Variants in OR51B5 observed in about 807,000 individuals in gnomAD.
The protein encoded by OR51B5 is olfactory receptor 51B5.
For missense variants in OR51B5, 456 were observed against 374.6 expected (o/e 1.22, Z -1.79); for synonymous variants, 186 against 144.8 (o/e 1.28, Z -2.04).
chr11:5,476,615 G>C (rs984535350), intron 1 of OR51B5, among the ~76,000 whole-genome samples: 4 of 152,170 alleles, frequency 2.6e-5, no homozygotes, highest in Non-Finnish European at 4.4e-5. Context: ...GCCGATAAGA[G>C]GAAGGACAAG....
intron 1 of OR51B5, among the ~76,000 whole-genome samples, chr11:5,363,235 C>CCA (rs1719916481): frequency 1.2e-5 from 1 of 85,294 alleles, no homozygotes; most frequent in South Asian, 4.0e-4. Context: ...GAACCCAACC[C>CCA]CTCACACACA....
intron 1 of OR51B5, among the ~76,000 whole-genome samples, chr11:5,385,754 CATAT>C: frequency 6.7e-6 from 1 of 148,644 alleles, no homozygotes; most frequent in East Asian, 2.0e-4. Context: ...TATTTGTTTA[CATAT>C]ATAAATATAC....
intron 1 of OR51B5, among the ~76,000 whole-genome samples, chr11:5,374,061 G>C (rs1472623655): frequency 6.6e-6 from 1 of 152,176 alleles, no homozygotes; most frequent in African/African-American, 2.4e-5. Context: ...CCCCCGAGCA[G>C]CCTAACTGGG....
intron 1 of OR51B5, chr11:5,403,265 AC>A: frequency 4.2e-6 from 2 of 471,418 alleles, no homozygotes; most frequent in East Asian, 6.9e-5. Context: ...ATGGGCTCAT[AC>A]TCCACACTGT....
chr11:5,441,379 T>C, intron 1 of OR51B5: 1 of 1,613,896 alleles, frequency 6.2e-7, no homozygotes, highest in Non-Finnish European at 8.5e-7. Context: ...GTGAGAATGC[T>C]GAGGTTACCT....
chr11:5,496,800 G>A (rs183920665), intron 1 of OR51B5, among the ~76,000 whole-genome samples: 1 of 152,346 alleles, frequency 6.6e-6, no homozygotes, highest in East Asian at 1.9e-4. Flanking sequence ...GTAGGCTGCA[G>A]TAGACGTACG....
At chr11:5,444,667 G>A (rs1403639742) in intron 1 of OR51B5, among the ~76,000 whole-genome samples, 1 of 152,158 alleles carries the variant, frequency 6.6e-6, no homozygotes, top group Non-Finnish European at 1.5e-5. Context: ...ACAGCTGGCA[G>A]TGGCATCAGC....
At chr11:5,377,560 C>T (rs1448256678) in intron 1 of OR51B5, among the ~76,000 whole-genome samples, 2 of 152,042 alleles carry the variant, frequency 1.3e-5, no homozygotes, top group Admixed American at 6.6e-5. Context: ...ATCTAGAAAA[C>T]CCCCTTGTCT....
In OR51B5 at chr11:5,375,307, C is replaced by T. The variant is rs574405632; in HGVS notation, n.85-28397G>A. Among the ~76,000 whole-genome samples the T allele has an allele frequency of 7.9e-5, 12 of 151,626 alleles. No homozygotes were observed. The South Asian group carries it at 2.3e-3, about 29-fold the overall frequency. On this transcript the variant is annotated intron_variant and non_coding_transcript_variant, in intron 1 of 4. Coordinates refer to the OR51B5 transcript ENST00000415970. ...CTGAGAGATTTTGTCATCACCAGGC[C>T]TGACCTAAAAGAGCTCCTGAAGGAA...
intron 1 of OR51B5, among the ~76,000 whole-genome samples, chr11:5,385,153 T>A (rs2647557): frequency 0.6 from 91,065 of 152,076 alleles, 27,416 homozygotes; most frequent in South Asian, 0.7. Context: ...CTTGAATATT[T>A]TAATTATGTT....
chr11:5,369,144 G>A (rs80146640), intron 1 of OR51B5, among the ~76,000 whole-genome samples: 8,360 of 152,124 alleles, frequency 0.055, 5 homozygotes, highest in South Asian at 0.089. Context: ...ATACAGAAAG[G>A]ATGAAGTCTT....
chr11:5,386,576 G>A (rs1849698899), intron 1 of OR51B5, among the ~76,000 whole-genome samples: 1 of 151,928 alleles, frequency 6.6e-6, no homozygotes, highest in Non-Finnish European at 1.5e-5. Flanking sequence ...TCTAATGATA[G>A]GAGCTACTGA....
At chr11:5,436,127 G>A (rs1018413411) in intron 1 of OR51B5, among the ~76,000 whole-genome samples, 3 of 152,126 alleles carry the variant, frequency 2.0e-5, no homozygotes, top group African/African-American at 4.8e-5. Context: ...AAAGTAAAGG[G>A]AATTAAGTCA....
At chr11:5,452,491 A>C (rs10838130) in intron 1 of OR51B5, among the ~76,000 whole-genome samples, 97,944 of 123,124 alleles carry the variant, frequency 0.8, 39,063 homozygotes, top group Admixed American at 0.82. Context: ...GGCAAAAGAG[A>C]GAGACTCTGT....
intron 1 of OR51B5, among the ~76,000 whole-genome samples, chr11:5,364,590 A>G (rs1474864685): frequency 1.2e-5 from 1 of 82,074 alleles, no homozygotes; most frequent in East Asian, 2.2e-4. Flanking sequence ...GAAAAAATAA[A>G]CTAAGCGTGA....
chr11:5,473,414 T>C (rs951223585), intron 1 of OR51B5, among the ~76,000 whole-genome samples: 31 of 152,340 alleles, frequency 2.0e-4, no homozygotes, highest in African/African-American at 7.5e-4. Context: ...CTTGCTGATA[T>C]GCACAGACAA....
chr11:5,381,400 A>T (rs1453686365), intron 1 of OR51B5, among the ~76,000 whole-genome samples: 2 of 152,186 alleles, frequency 1.3e-5, no homozygotes, highest in Non-Finnish European at 2.9e-5. Context: ...TATTCGCATG[A>T]TTACCCACAG....
At chr11:5,502,193 ACT>A (rs532861360) in intron 1 of OR51B5, among the ~76,000 whole-genome samples, 224 of 149,644 alleles carry the variant, frequency 1.5e-3, no homozygotes, top group African/African-American at 5.2e-3. Context: ...TCCGCTTGTC[ACT>A]CTCTCATTCA....
At chr11:5,490,667 G>A (rs401507) in intron 1 of OR51B5, among the ~76,000 whole-genome samples, 55,969 of 152,050 alleles carry the variant, frequency 0.37, 11,674 homozygotes, top group Non-Finnish European at 0.47. Flanking sequence ...GTCATTCAGG[G>A]AGACTAATAG....
Sources: allele counts gnomAD v4.1 joint callset (sites outside exome capture counted in the v4.1 genomes callset), GRCh38; gene constraint gnomAD v4.1.1; transcripts MANE v1.5; gene names NCBI Gene and HGNC (gene_info 2026-07-23, HGNC 2026-07-21).